Variants in AXIN1 observed in about 807,000 individuals in gnomAD.
The protein encoded by AXIN1 is axin-1.
In AXIN1, 30 loss-of-function variants were observed where a neutral mutation model predicts 76.4. That is an observed-to-expected ratio of 0.39 (90% CI 0.29 to 0.53). The LOEUF is 0.53. Ranked by LOEUF, AXIN1 falls within the 20% of genes least tolerant of loss-of-function variation. AXIN1 has a pLI of 0.66. For synonymous variants in AXIN1, 545 were observed against 501.4 expected (o/e 1.09, Z -1.16); for missense variants, 1,140 against 1,198.8 (o/e 0.95, Z 0.72).
chr16:305,542 T>G (rs563755431), intron 4 of AXIN1, among the ~76,000 whole-genome samples: 24 of 151,836 alleles, frequency 1.6e-4, no homozygotes, highest in African/African-American at 5.8e-4. Context: ...TTGTTTTTGG[T>G]TTTTTTTGTT....
At chr16:336,364 C>G (rs542030262) in intron 2 of AXIN1, among the ~76,000 whole-genome samples, 2 of 152,306 alleles carry the variant, frequency 1.3e-5, no homozygotes, top group South Asian at 4.1e-4. Flanking sequence ...CACAAGATAG[C>G]AGTGAGCACG....
At chr16:317,979 G>C (rs1356214477) in intron 2 of AXIN1, among the ~76,000 whole-genome samples, 2 of 152,242 alleles carry the variant, frequency 1.3e-5, no homozygotes, top group African/African-American at 4.8e-5. Context: ...AGTTTAAGAA[G>C]TCTACGTCCA....
intron 2 of AXIN1, among the ~76,000 whole-genome samples, chr16:328,235 T>C (rs1221374646): frequency 6.6e-6 from 1 of 151,986 alleles, no homozygotes; most frequent in Non-Finnish European, 1.5e-5. Flanking sequence ...CTGCAAAATA[T>C]TTAAAAAATT....
At chr16:308,276 T>TCC (rs1399420307) in intron 4 of AXIN1, among the ~76,000 whole-genome samples, 1 of 152,212 alleles carries the variant, frequency 6.6e-6, no homozygotes, top group African/African-American at 2.4e-5. Context: ...GCCATAGGCA[T>TCC]CCTCTTTTCT....
At position 310,122 on chromosome 16, in the gene AXIN1, C is replaced by T. The variant is rs2053136465; in HGVS notation, c.1020-53G>A. On this transcript the variant is annotated intron_variant, in intron 3 of 10. Transcript: ENST00000262320. ...ACTCAGAGAGGAGCAGGAGGGCCAG[C>T]ACCGTGCCAATAGAGCTCCTGGCCC... The T allele has an allele frequency of 2.6e-6, 4 of 1,532,252 alleles. No homozygotes were observed. The South Asian group carries it at 3.5e-5, about 14-fold the overall frequency. 94.9% of individuals were successfully genotyped at this position (1,532,252 alleles called of 1,614,324 possible).
rs764472037 is a variant in AXIN1 at position 293,664 on chromosome 16, A to C, written c.2010T>G (p.Leu670=). 2.5e-6 allele frequency: 4 copies of C among 1,613,644 alleles called. No individual in the cohort carries two copies. In the Admixed American group the frequency reaches 6.7e-5, roughly 27 times the overall value. The change falls in exon 8 of 11, where the codon CTT becomes CTG. Residue 670 remains leucine, a synonymous_variant. Coordinates refer to ENST00000262320, the MANE Select transcript of AXIN1 (RefSeq NM_003502.4). The surrounding 1 kb of genome is among the most constrained non-coding windows in gnomAD (Gnocchi z 4.6). ...GCTGAGGGCCGGCCCAGGGGTGCTCAAGGGACAAGGGTCTGGAGTTCTCAT... is the reference window on the plus strand; with the variant it reads ...GCTGAGGGCCGGCCCAGGGGTGCTCCAGGGACAAGGGTCTGGAGTTCTCAT... ...QPHENSRPLS[L]EHPWAGPQLR...
In AXIN1 at chr16:293,619, G is replaced by C. The variant is rs750111022; in HGVS notation, c.2055C>G (p.Pro685=). Residue 685 remains proline (P), a synonymous_variant, in exon 8 of 11, where the codon CCC becomes CCG. Coordinates refer to ENST00000262320, the MANE Select transcript of AXIN1 (RefSeq NM_003502.4). The surrounding 1 kb of genome is among the most constrained non-coding windows in gnomAD (Gnocchi z 4.6). ...AGPQLRTSVQ[P]SHLFIQDPTM... ...TGGGGTCTTGGATGAAGAGGTGGGA[G>C]GGCTGCACGGAGGTCCGGAGCTGAG... 1 of 1,613,482 alleles carries C rather than the reference G, an allele frequency of 6.2e-7. No homozygotes were observed.
At chr16:337,854 C>T (rs2053839205) in intron 2 of AXIN1, among the ~76,000 whole-genome samples, 2 of 152,252 alleles carry the variant, frequency 1.3e-5, no homozygotes. Context: ...CTCTGGGGGC[C>T]CCCTGGACGC....
chr16:299,123 T>A (rs2052798853), intron 5 of AXIN1: 1 of 985,450 alleles, frequency 1.0e-6, no homozygotes, highest in African/African-American at 1.7e-5. Context: ...TATGTACATG[T>A]TGTGATGCTG....
chr16:320,706 C>T (rs955822265), intron 2 of AXIN1, among the ~76,000 whole-genome samples: 9 of 140,654 alleles, frequency 6.4e-5, no homozygotes, highest in East Asian at 4.0e-4. Context: ...TATATGCATA[C>T]GTATATGCGT....
chr16:291,104 CG>C (rs1212665543), intron 9 of AXIN1, 85 bp downstream of exon 9: 13 of 1,324,172 alleles, frequency 9.8e-6, no homozygotes, highest in Non-Finnish European at 1.4e-5. Flanking sequence ...GCTCAAGCCC[CG>C]GGACGGCGGC....
At chr16:294,200 C>T (rs1158721473) in intron 7 of AXIN1, among the ~76,000 whole-genome samples, 1 of 152,100 alleles carries the variant, frequency 6.6e-6, no homozygotes, top group Non-Finnish European at 1.5e-5. Context: ...CCTCATTTGC[C>T]TGTAATCCCA....
intron 2 of AXIN1, among the ~76,000 whole-genome samples, chr16:323,213 G>A (rs2053497188): frequency 6.6e-6 from 1 of 152,088 alleles, no homozygotes; most frequent in East Asian, 1.9e-4. Flanking sequence ...GCCAACGCAG[G>A]CATATCACGA....
chr16:351,954 G>A (rs2054154283), intron 1 of AXIN1, among the ~76,000 whole-genome samples: 1 of 152,182 alleles, frequency 6.6e-6, no homozygotes, highest in African/African-American at 2.4e-5. Context: ...GGGCAGCAAG[G>A]CATCAACCTG....
At chr16:345,898 G>A (rs2054023671) in intron 2 of AXIN1, among the ~76,000 whole-genome samples, 1 of 152,152 alleles carries the variant, frequency 6.6e-6, no homozygotes, top group African/African-American at 2.4e-5. Context: ...TAAGAATTCC[G>A]ATGTTCCTAA....
chr16:326,053 TATACTATATATATA>T lies in AXIN1; in HGVS notation c.879-11384_879-11371del, dbSNP rs1474587783. On this transcript the variant is annotated intron_variant, in intron 2 of 10. Transcript: ENST00000262320. ...CCATTCATGCAGATGCTGTCACTTA[TATACTATATATATA>T]ACAAGGGCCAGGCGTGGTGGCTCAT... is the stretch of plus-strand genomic sequence containing the variant. 2.0e-5 allele frequency among the ~76,000 whole-genome samples: 3 copies of T among 152,138 alleles called. No homozygotes were observed. The East Asian group carries it at 5.8e-4, about 29-fold the overall frequency.
At chr16:320,890 T>C (rs762361392) in intron 2 of AXIN1, among the ~76,000 whole-genome samples, 49 of 151,342 alleles carry the variant, frequency 3.2e-4, no homozygotes, top group Non-Finnish European at 5.9e-4. Flanking sequence ...CAGGCACACG[T>C]CACCACGCCC....
intron 2 of AXIN1, among the ~76,000 whole-genome samples, chr16:315,832 GA>G (rs922939817): frequency 0.018 from 1,275 of 72,756 alleles, 8 homozygotes; most frequent in African/African-American, 0.048. Flanking sequence ...TGTCTCAAAA[GA>G]AAAAAAAAAA....
At chr16:306,131 G>A (rs1298165541) in intron 4 of AXIN1, among the ~76,000 whole-genome samples, 2 of 151,894 alleles carry the variant, frequency 1.3e-5, no homozygotes, top group African/African-American at 4.8e-5. Context: ...ACACACACAT[G>A]CCCACACATG....
Sources: gnomAD v4.1 joint callset for allele counts (sites outside exome capture counted in the v4.1 genomes callset) on GRCh38, gnomAD v4.1.1 for gene constraint, Gnocchi (gnomAD v3.1) non-coding constraint, MANE v1.5 for transcripts, NCBI Gene and HGNC (gene_info 2026-07-23, HGNC 2026-07-21) for gene names.